The following TUBGCP6 variants were observed in gnomAD, a reference collection of about 807,000 sequenced individuals.
The protein encoded by TUBGCP6 is gamma-tubulin complex component 6.
A neutral mutation model predicts 175.8 loss-of-function variants in TUBGCP6; 161 were observed. The observed-to-expected ratio is 0.92, with a 90% CI of 0.81 to 1.04. The LOEUF (loss-of-function observed/expected upper bound fraction) is 1.04. TUBGCP6 is among the 50% of genes least tolerant of loss of function. The pLI is 0.00. For missense variants in TUBGCP6, 2,572 were observed against 2,433.0 expected (o/e 1.06, Z -1.20); for synonymous variants, 1,173 against 1,030.5 (o/e 1.14, Z -2.65).
chr22:50,219,968 G>A lies in TUBGCP6; in HGVS notation c.4156C>T (p.Leu1386Phe), dbSNP rs2064488202. 1.9e-6 allele frequency: 3 copies of A among 1,613,908 alleles called. No homozygotes were observed. Among genetic ancestry groups the A allele is most frequent in the Admixed American group, 3.3e-5 (2 of 59,996 alleles). Residue 1386 changes from leucine to phenylalanine, a missense_variant, in exon 17 of 25, where the codon CTC becomes TTC. Transcript: ENST00000248846. ...TGCATCCACCTAACCTGTGAGTTGA[G>A]AGGCCAATTTGGAGAGAGGTCCTCA... ...DTEDLSPNWP[L>F]NSQEDTAAQS... is the part of the protein sequence containing the mutation.
chr22:50,218,649 C>T (rs533237937), intron 21 of TUBGCP6, 29 bp from the exon 22 acceptor site: 1 of 1,613,694 alleles, frequency 6.2e-7, no homozygotes, highest in African/African-American at 1.3e-5. Context: ...CAGCAGGCAT[C>T]CCACAGGCAG....
intron 2 of TUBGCP6, 169 bp downstream of exon 2, chr22:50,240,035 A>G: frequency 9.0e-6 from 8 of 886,514 alleles, no homozygotes; most frequent in Non-Finnish European, 1.4e-5. Context: ...TCCCCTCTGC[A>G]TCTCTCTTAA....
In TUBGCP6 at chr22:50,244,220, A is replaced by C. The variant is rs750598380; in HGVS notation, c.240T>G (p.Gly80=). Residue 80 remains glycine (G), a synonymous_variant, in exon 1 of 25, where the codon GGT becomes GGG. Transcript: ENST00000248846. ...ILMLSFDLRV[G]GLGPKADRLE... ...AACGGTCGGCCTTGGGGCCCAGGCC[A>C]CCCACTCTCAAGTCAAAGGACAACA... 2 of 1,613,352 alleles carry C rather than the reference A, an allele frequency of 1.2e-6. No homozygotes were observed. Among genetic ancestry groups the C allele is most frequent in the Non-Finnish European group, 1.7e-6 (2 of 1,180,024 alleles).
chr22:50,219,455 G>A lies in TUBGCP6; in HGVS notation c.4317C>T (p.Ser1439=), dbSNP rs79022493. The change falls in exon 19 of 25, where the codon TCC becomes TCT. Residue 1439 remains serine, a splice_region_variant and synonymous_variant. Coordinates refer to ENST00000248846, the MANE Select transcript of TUBGCP6 (RefSeq NM_020461.4). Reference sequence around the variant, plus strand: ...GCAAAAGATGAGCAATGGGCGGCTCGGCTGCGGGAGATGGAGCACGCACGT... The same window carrying A: ...GCAAAAGATGAGCAATGGGCGGCTCAGCTGCGGGAGATGGAGCACGCACGT... The part of the protein sequence containing the change: ...ERYPDSYESM[S]EPPIAHLLRP... 1,892 of 1,580,528 alleles carry A rather than the reference G, an allele frequency of 1.2e-3. 20 individuals are homozygous for A. The highest frequency in any genetic ancestry group is 5.0e-3 in the East Asian group (212 of 42,742).
rs377098697 is a variant in TUBGCP6, at chr22:50,219,390, G to A, written c.4382C>T (p.Pro1461Leu). Reference protein sequence around the residue: ...LPRAFAFPVDPQVQSAADETA... With the variant: ...LPRAFAFPVDLQVQSAADETA... ...CTCATCAGCGGCAGACTGGACCTGG[G>A]GGTCCACGGGGAAGGCGAAGGCCCG... The change falls in exon 19 of 25, where the codon CCC (proline) becomes CTC (leucine). Residue 1461 changes from proline to leucine, a missense_variant. Pro to Leu is a moderately conservative substitution (Grantham distance 98). Transcript: ENST00000248846. 83 of 1,575,824 alleles carry A rather than the reference G, an allele frequency of 5.3e-5. No individual in the cohort carries two copies. The highest frequency in any genetic ancestry group is 5.1e-4 in the African/African-American group (38 of 74,496).
chr22:50,233,874 A>G (rs1180872835), intron 2 of TUBGCP6, among the ~76,000 whole-genome samples: 1 of 152,062 alleles, frequency 6.6e-6, no homozygotes, highest in Non-Finnish European at 1.5e-5. Context: ...TCACTCATAA[A>G]GTATTCTTCT....
intron 4 of TUBGCP6, among the ~76,000 whole-genome samples, chr22:50,228,269 CTG>C (rs1487249603): frequency 1.5e-5 from 1 of 67,538 alleles, no homozygotes; most frequent in African/African-American, 6.0e-5. Context: ...CTGAGCCCAG[CTG>C]CCCCAGGGGC....
Position 50,232,600 on chromosome 22 carries a change from T to C in TUBGCP6, c.1116+716A>G, listed in dbSNP as rs180941566. ...CAGGGTTGGTTCCACACAATAAGGC[T>C]ATCCCCACAACAGACAAGATGAGCT... is the stretch of plus-strand genomic sequence containing the variant. On this transcript the variant is annotated intron_variant, in intron 3 of 24. Coordinates refer to ENST00000248846, the MANE Select transcript of TUBGCP6 (RefSeq NM_020461.4). 1.3e-4 allele frequency among the ~76,000 whole-genome samples: 19 copies of C among 151,528 alleles called. No homozygotes were observed. The East Asian group carries it at 3.7e-3, about 29-fold the overall frequency.
intron 4 of TUBGCP6, among the ~76,000 whole-genome samples, chr22:50,228,431 G>A (rs1474198518): frequency 6.6e-6 from 1 of 152,148 alleles, no homozygotes; most frequent in Admixed American, 6.5e-5. Flanking sequence ...ACAGACACTA[G>A]TGCTGTGAGG....
chr22:50,220,037 C>T lies in TUBGCP6; in HGVS notation c.4109-22G>A, dbSNP rs192294480. The T allele has an allele frequency of 6.5e-5, 105 of 1,612,128 alleles. No homozygotes were observed. In the African/African-American group the frequency reaches 1.2e-3, roughly 18 times the overall value. On this transcript the variant is annotated intron_variant, in intron 16 of 24. Transcript: ENST00000248846. ...GGGCCTGTGTGGACACAAGTGGACACGAGGGCATCAGGGCCGAGTGCCTGT... is the reference window on the plus strand; with the variant it reads ...GGGCCTGTGTGGACACAAGTGGACATGAGGGCATCAGGGCCGAGTGCCTGT...
intron 18 of TUBGCP6, 23 bp from the exon 19 acceptor site, chr22:50,219,479 G>A (rs377078103): frequency 4.1e-5 from 66 of 1,593,490 alleles, no homozygotes; most frequent in African/African-American, 9.4e-5. Context: ...GAGCACGCAC[G>A]TGCTGGGAAC....
intron 2 of TUBGCP6, among the ~76,000 whole-genome samples, chr22:50,235,792 T>C (rs2064771498): frequency 6.6e-6 from 1 of 151,984 alleles, no homozygotes; most frequent in African/African-American, 2.4e-5. Flanking sequence ...ACACAAAAAT[T>C]AGCTGGGCGT....
In TUBGCP6 at chr22:50,225,895, A is replaced by C; in HGVS notation, c.1882T>G (p.Phe628Val). 6.2e-7 allele frequency: 1 copy of C among 1,613,846 alleles called. No individual in the cohort carries two copies. Among genetic ancestry groups the C allele is most frequent in the Non-Finnish European group, 8.5e-7 (1 of 1,179,962 alleles). The change falls in exon 10 of 25, where the codon TTC (phenylalanine) becomes GTC (valine). Residue 628 changes from phenylalanine (F) to valine (V), a missense_variant. Transcript: ENST00000248846. ...DVPVPRISVIFSLEELKEIEK... is the reference protein window; with the variant it reads ...DVPVPRISVIVSLEELKEIEK... ...ATCTCCTTCAACTCCTCAAGGGAGA[A>C]AATCACCGAGATCCGGGGGACAGGG... is the stretch of plus-strand genomic sequence containing the variant.
Position 50,220,376 on chromosome 22 carries a change from G to T in TUBGCP6, c.3983C>A (p.Ser1328Tyr), listed in dbSNP as rs768296393. The change falls in exon 16 of 25, where the codon TCT becomes TAT. Residue 1328 changes from serine (S) to tyrosine (Y), a missense_variant. By Grantham distance (144) the Ser-to-Tyr change is moderately radical. Coordinates refer to ENST00000248846, the MANE Select transcript of TUBGCP6 (RefSeq NM_020461.4). ...GCAGCCCGAGCTGGGGGAGGACAGA[G>T]ATGGCCCCACTTCTACAGGCAGCCG... ...GPRLPVEVGP[S>Y]LSSPSSGCGE... is the part of the protein sequence containing the mutation. 1 of 1,568,966 alleles carries T rather than the reference G, an allele frequency of 6.4e-7. No individual in the cohort carries two copies.
chr22:50,220,226 T>A (rs372268720), intron 16 of TUBGCP6, 25 bp downstream of exon 16: 1 of 1,543,948 alleles, frequency 6.5e-7, no homozygotes, highest in Non-Finnish European at 8.8e-7. Flanking sequence ...GTCCCACTCC[T>A]GACCACCAGC....
chr22:50,229,642 C>T, intron 3 of TUBGCP6, 65 bp from the exon 4 acceptor site: 1 of 1,496,324 alleles, frequency 6.7e-7, no homozygotes, highest in South Asian at 1.2e-5. Flanking sequence ...AAGGTGCCGT[C>T]TCCCTCCACC....
chr22:50,230,435 C>T (rs975298832), intron 3 of TUBGCP6, among the ~76,000 whole-genome samples: 2 of 151,820 alleles, frequency 1.3e-5, no homozygotes, highest in African/African-American at 2.4e-5. Flanking sequence ...GGCAAAGCCC[C>T]GTCTCTACTA....
Position 50,244,671 on chromosome 22 carries a change from A to C in TUBGCP6, c.-212T>G. On this transcript the variant is annotated 5_prime_UTR_variant, in exon 1 of 25. Transcript: ENST00000248846. Reference sequence around the variant, plus strand: ...ACGCCCTGCCCTCCCCAGTCCAAGCACGCTGCCCGGCGCCCGGCAGCCCAC... The same window carrying C: ...ACGCCCTGCCCTCCCCAGTCCAAGCCCGCTGCCCGGCGCCCGGCAGCCCAC... The C allele has an allele frequency of 1.3e-6, 1 of 769,134 alleles. No homozygotes were observed. The highest frequency in any genetic ancestry group is 2.0e-6 in the Non-Finnish European group (1 of 512,364). 47.6% of individuals were successfully genotyped at this position (769,134 alleles called of 1,614,324 possible).
chr22:50,217,927 GAA>G lies in TUBGCP6; in HGVS notation c.5357_5358del (p.Phe1786SerfsTer44), dbSNP rs1386312998. On this transcript the variant is annotated frameshift_variant, in exon 24 of 25. Transcript: ENST00000248846. LOFTEE classifies it high-confidence loss of function. ...SYNTFKYYSH[F>X]LFKVVTKLVN... is the part of the protein sequence containing the mutation. ...CCAGGGTGGGCCTCACCTTTGAAGA[GAA>G]AGTGGGAGTAGTACTTGAAGGTGTT... 1 of 1,606,460 alleles carries G rather than the reference GAA, an allele frequency of 6.2e-7. No homozygotes were observed.
Sources: gnomAD v4.1 joint callset for allele counts (sites outside exome capture counted in the v4.1 genomes callset) on GRCh38, gnomAD v4.1.1 for gene constraint, MANE v1.5 for transcripts, NCBI Gene and HGNC (gene_info 2026-07-23, HGNC 2026-07-21) for gene names.